CERS6: variants seen among roughly 807,000 people sequenced by gnomAD.
The protein encoded by CERS6 is LAG1 homolog, ceramide synthase 6.
In CERS6, 26 loss-of-function variants were observed where a neutral mutation model predicts 56.8. That is an observed-to-expected ratio of 0.46 (90% CI 0.34 to 0.63). The LOEUF (loss-of-function observed/expected upper bound fraction) is 0.63, where lower values mean the gene tolerates loss of function less well. Among genes scored for constraint, CERS6 ranks in the 30% least tolerant of loss-of-function variants. The probability of loss-of-function intolerance (pLI) is 0.01; values close to 1 mark genes in which losing one functional copy is unlikely to be tolerated. For synonymous variants in CERS6, 164 were observed against 173.3 expected, an observed-to-expected ratio of 0.95 and a Z score of 0.42; for missense variants, 415 against 467.5, an observed-to-expected ratio of 0.89 and a Z score of 1.04.
At chr2:168,558,882 A>T (rs1380652481) in intron 2 of CERS6, among the ~76,000 whole-genome samples, 2 of 152,190 alleles carry the variant, frequency 1.3e-5, no homozygotes, top group African/African-American at 4.8e-5. Context: ...CACAAAAAAG[A>T]AACTGATTTA....
At chr2:168,745,551 A>T (rs1015577811) in intron 8 of CERS6, among the ~76,000 whole-genome samples, 2 of 152,190 alleles carry the variant, frequency 1.3e-5, no homozygotes, top group East Asian at 1.9e-4. Flanking sequence ...AAATATTTTT[A>T]AAAATGTAGA....
In CERS6 at chr2:168,717,930, T is replaced by G; in HGVS notation, c.797T>G (p.Met266Arg). The G allele has an allele frequency of 6.2e-7, 1 of 1,613,952 alleles. No homozygotes were observed. Among genetic ancestry groups the G allele is most frequent in the Non-Finnish European group, 8.5e-7 (1 of 1,179,840 alleles). ...FQKMCDLLFV[M>R]FAVVFITTRL... ...AAAATGTGTGATCTCCTGTTTGTTA[T>G]GTTTGCCGTGGTTTTTATCACCACA... Residue 266 changes from methionine (M) to arginine (R), a missense_variant, in exon 8 of 10, where the codon ATG (methionine) becomes AGG (arginine). Transcript: ENST00000305747.
chr2:168,558,742 G>A (rs540660964), intron 2 of CERS6, among the ~76,000 whole-genome samples: 43 of 152,300 alleles, frequency 2.8e-4, no homozygotes, highest in Non-Finnish European at 3.1e-4. Flanking sequence ...GGTGGCTGGC[G>A]CCTGTAGTCC....
At chr2:168,492,306 A>C (rs1574019573) in intron 1 of CERS6, among the ~76,000 whole-genome samples, 1 of 152,050 alleles carries the variant, frequency 6.6e-6, no homozygotes, top group African/African-American at 2.4e-5. Flanking sequence ...TTTAATGATC[A>C]CCATTCTAAC....
rs1302638709 is a variant in CERS6, at chr2:168,774,675, A to T, written c.*5013A>T. On this transcript the variant is annotated 3_prime_UTR_variant, in exon 10 of 10. Coordinates refer to ENST00000305747, the MANE Select transcript of CERS6 (RefSeq NM_203463.3). ...AAAAAGAAATGAGTTATGGAATAGGAACAGTTATGTGATGATTCTGAAACT... is the reference window on the plus strand; with the variant it reads ...AAAAAGAAATGAGTTATGGAATAGGTACAGTTATGTGATGATTCTGAAACT... 6.6e-6 allele frequency: 1 copy of T among 152,124 alleles called. No individual in the cohort carries two copies. Among genetic ancestry groups the T allele is most frequent in the Non-Finnish European group, 1.5e-5 (1 of 68,030 alleles). The allele number at this position is 152,124 out of a possible 1,614,324, so 9.4% of individuals were successfully genotyped here. A position where few individuals can be genotyped will look rare whatever the true frequency, so the allele number is the denominator to read the frequency against.
rs1156341973 is a variant in CERS6, at chr2:168,773,274, T to C, written c.*3612T>C. ...GAAGTATAAAAATTATAAAGAGTAA[T>C]TCCAAAGGTATTAAAAGATTGTTTA... On this transcript the variant is annotated 3_prime_UTR_variant, in exon 10 of 10. Coordinates refer to ENST00000305747, the MANE Select transcript of CERS6 (RefSeq NM_203463.3). 7 of 152,254 alleles carry C rather than the reference T, an allele frequency of 4.6e-5. No homozygotes were observed. Among genetic ancestry groups the C allele is most frequent in the Admixed American group, 4.6e-4 (7 of 15,284 alleles). The allele number at this position is 152,254 out of a possible 1,614,324, so 9.4% of individuals were successfully genotyped here. A position where few individuals can be genotyped will look rare whatever the true frequency, so the allele number is the denominator to read the frequency against.
intron 4 of CERS6, among the ~76,000 whole-genome samples, chr2:168,642,732 C>T (rs7591129): frequency 0.083 from 12,694 of 152,136 alleles, 1,043 homozygotes; most frequent in African/African-American, 0.21. Flanking sequence ...CTCTTTCCAG[C>T]GTACAGTAAA....
intron 4 of CERS6, among the ~76,000 whole-genome samples, chr2:168,681,328 A>G (rs1373972318): frequency 3.9e-5 from 6 of 152,182 alleles, no homozygotes; most frequent in Non-Finnish European, 8.8e-5. Context: ...TTTGTAGTTG[A>G]AATATCACTG....
rs13001593 is a variant in CERS6 at position 168,772,645 on chromosome 2, G to A, written c.*2983G>A. The A allele has an allele frequency of 0.022, 3,385 of 152,684 alleles. 57 individuals are homozygous for A. The highest frequency in any genetic ancestry group is 0.035 in the Non-Finnish European group (2,385 of 68,014). The allele number at this position is 152,684 out of a possible 1,614,324, so 9.5% of individuals were successfully genotyped here. A position where few individuals can be genotyped will look rare whatever the true frequency, so the allele number is the denominator to read the frequency against. On this transcript the variant is annotated 3_prime_UTR_variant, in exon 10 of 10. Transcript: ENST00000305747. ...AGCACAGGTCATAAGAGCACCTAAG[G>A]CCAGCATATAAGCCAACTACAGTTC...
chr2:168,716,204 A>G (rs1574185939), intron 7 of CERS6, among the ~76,000 whole-genome samples: 1 of 152,168 alleles, frequency 6.6e-6, no homozygotes, highest in African/African-American at 2.4e-5. Flanking sequence ...ATTTGTTGCT[A>G]TGATTTTTAA....
intron 1 of CERS6, among the ~76,000 whole-genome samples, chr2:168,531,721 T>C (rs1040453413): frequency 6.6e-6 from 1 of 151,112 alleles, no homozygotes; most frequent in Admixed American, 6.6e-5. Flanking sequence ...CTCGGGAGGC[T>C]AAGGCAGGAG....
At chr2:168,489,771 A>G (rs1413533362) in intron 1 of CERS6, among the ~76,000 whole-genome samples, 1 of 152,010 alleles carries the variant, frequency 6.6e-6, no homozygotes, top group Non-Finnish European at 1.5e-5. Context: ...CATTCATTCC[A>G]TATCACCATG....
intron 8 of CERS6, among the ~76,000 whole-genome samples, chr2:168,723,871 AT>A (rs1322315694): frequency 1.3e-5 from 2 of 152,234 alleles, no homozygotes; most frequent in African/African-American, 2.4e-5. Context: ...GTAATTACAT[AT>A]CTTTTTGCTA....
chr2:168,508,047 G>GC (rs1360445371), intron 1 of CERS6, among the ~76,000 whole-genome samples: 1 of 152,044 alleles, frequency 6.6e-6, no homozygotes, highest in Non-Finnish European at 1.5e-5. Flanking sequence ...GGGAGTTCTT[G>GC]ATTTTTTATT....
At chr2:168,507,974 A>G (rs559496969) in intron 1 of CERS6, among the ~76,000 whole-genome samples, 3 of 152,286 alleles carry the variant, frequency 2.0e-5, no homozygotes, top group East Asian at 1.9e-4. Context: ...ATGAGCTGAT[A>G]TGGGAGTCAT....
intron 4 of CERS6, among the ~76,000 whole-genome samples, chr2:168,667,635 C>G (rs1267362452): frequency 6.6e-6 from 1 of 152,036 alleles, no homozygotes; most frequent in Non-Finnish European, 1.5e-5. Flanking sequence ...GCATTATTCA[C>G]CCAGCCCTGA....
At chr2:168,763,257 T>C (rs1684630560) in intron 8 of CERS6, among the ~76,000 whole-genome samples, 1 of 148,638 alleles carries the variant, frequency 6.7e-6, no homozygotes, top group Non-Finnish European at 1.5e-5. Flanking sequence ...TTTTTTTTTT[T>C]TTGAGACAGA....
At chr2:168,496,881 C>G (rs970582009) in intron 1 of CERS6, among the ~76,000 whole-genome samples, 1 of 152,066 alleles carries the variant, frequency 6.6e-6, no homozygotes, top group Admixed American at 6.5e-5. Flanking sequence ...TTTGATGTAC[C>G]TAGTCTAACA....
chr2:168,657,110 C>T, intron 4 of CERS6, among the ~76,000 whole-genome samples: 1 of 152,112 alleles, frequency 6.6e-6, no homozygotes, highest in Middle Eastern at 3.2e-3. Context: ...TCTCCACGTC[C>T]TCACCAGAGC....
Sources: gnomAD v4.1 joint callset for allele counts (sites outside exome capture counted in the v4.1 genomes callset) on GRCh38, gnomAD v4.1.1 for gene constraint, MANE v1.5 for transcripts, NCBI Gene and HGNC (gene_info 2026-07-23, HGNC 2026-07-21) for gene names.